The following ANAPC5 variants were observed in gnomAD, a reference collection of about 807,000 sequenced individuals.
ANAPC5 encodes anaphase-promoting complex subunit 5.
In ANAPC5, 60 loss-of-function variants were observed where a neutral mutation model predicts 91.3. The ratio of observed to expected loss-of-function variants is 0.66; its 90% confidence interval spans 0.53 to 0.81. The LOEUF is 0.81. Among genes scored for constraint, ANAPC5 ranks in the 40% least tolerant of loss-of-function variants. ANAPC5 has a pLI of 0.00. For missense variants in ANAPC5, 690 were observed against 931.5 expected (o/e 0.74, Z 3.37); for synonymous variants, 340 against 364.1 (o/e 0.93, Z 0.75).
At chr12:121,321,233 G>C (rs1902592272) in intron 11 of ANAPC5, 1 of 139,856 alleles carries the variant, frequency 7.2e-6, no homozygotes. Context: ...TAGGCAACAA[G>C]AACAAAATTC....
rs782351807 is a variant in ANAPC5, at chr12:121,345,859, T to G, written c.570A>C (p.Glu190Asp). 6.2e-7 allele frequency: 1 copy of G among 1,613,618 alleles called. No homozygotes were observed. The highest frequency in any genetic ancestry group is 2.2e-5 in the East Asian group (1 of 44,884). ...ATTACCTTACAGATACATCAAGTTC[T>G]TCTTTTTCCATTTTTCTTTCACCCT... ...RDEGERKMEK[E>D]ELDVSVREEE... Residue 190 changes from glutamate to aspartate, a missense_variant, in exon 4 of 17, where the codon GAA becomes GAC. Coordinates refer to ENST00000261819, the MANE Select transcript of ANAPC5 (RefSeq NM_016237.5).
chr12:121,320,243 TATC>T, intron 12 of ANAPC5, 139 bp downstream of exon 12: 2 of 696,056 alleles, frequency 2.9e-6, no homozygotes, highest in Admixed American at 2.8e-5. Flanking sequence ...ATATAAATAA[TATC>T]ATACTTGTAA....
chr12:121,309,685 T>C lies in ANAPC5; in HGVS notation c.2056+16A>G, dbSNP rs749550358. 6.8e-6 allele frequency: 11 copies of C among 1,610,248 alleles called. No homozygotes were observed. Among genetic ancestry groups the C allele is most frequent in the Admixed American group, 3.4e-5 (2 of 59,254 alleles). ...CTGGAATAGCATTGCCTAACAGTCT[T>C]CGTACAGCTTCCTACCTTCTGCTTT... On this transcript the variant is annotated intron_variant, in intron 16 of 16. Transcript: ENST00000261819.
chr12:121,311,551 G>A (rs1483673808), intron 15 of ANAPC5, among the ~76,000 whole-genome samples: 1 of 152,124 alleles, frequency 6.6e-6, no homozygotes, highest in East Asian at 1.9e-4. Context: ...AACAATAATA[G>A]GCCAGGCACA....
intron 11 of ANAPC5, among the ~76,000 whole-genome samples, chr12:121,323,671 T>C (rs1902703012): frequency 1.3e-5 from 2 of 152,180 alleles, no homozygotes; most frequent in African/African-American, 4.8e-5. Context: ...ATACTTTCAA[T>C]TTGTCTCAAT....
intron 1 of ANAPC5, among the ~76,000 whole-genome samples, chr12:121,349,390 A>T (rs1316069811): frequency 1.3e-5 from 2 of 151,978 alleles, no homozygotes; most frequent in East Asian, 3.9e-4. Context: ...GGGAGACTAC[A>T]TCTCTACCAA....
chr12:121,319,939 TG>T (rs1902528537), intron 12 of ANAPC5, 121 bp from the exon 13 acceptor site: 1 of 1,022,798 alleles, frequency 9.8e-7, no homozygotes, highest in Non-Finnish European at 1.4e-6. Flanking sequence ...TATTCTTTTT[TG>T]GGGGGATTTA....
intron 7 of ANAPC5, chr12:121,334,620 T>C (rs549975466): frequency 2.6e-5 from 4 of 152,344 alleles, no homozygotes; most frequent in African/African-American, 9.6e-5. Context: ...AATTGATCGA[T>C]TTTCCTATTT....
intron 11 of ANAPC5, among the ~76,000 whole-genome samples, chr12:121,324,302 T>C (rs1454040615): frequency 1.3e-5 from 2 of 152,090 alleles, no homozygotes; most frequent in African/African-American, 2.4e-5. Context: ...ACACGGTTGA[T>C]GTTCTAAAAC....
At chr12:121,326,047 C>T (rs572122326) in intron 11 of ANAPC5, among the ~76,000 whole-genome samples, 11 of 152,258 alleles carry the variant, frequency 7.2e-5, no homozygotes, top group South Asian at 6.2e-4. Context: ...CTAGCCCTTT[C>T]GACCTCAGAA....
At position 121,330,408 on chromosome 12, in the gene ANAPC5, C is replaced by T. The variant is rs140643683; in HGVS notation, c.1122+175G>A. Among the ~76,000 whole-genome samples, 793 of 152,342 alleles carry T rather than the reference C, an allele frequency of 5.2e-3. 4 individuals are homozygous for T. Among genetic ancestry groups the T allele is most frequent in the South Asian group, 0.033 (161 of 4,832 alleles). Reference sequence around the variant, plus strand: ...GATACAGGGAACAGAGAGAAACCTACCACACAGAATTTAGTGGTCTGATTA... The same window carrying T: ...GATACAGGGAACAGAGAGAAACCTATCACACAGAATTTAGTGGTCTGATTA... On this transcript the variant is annotated intron_variant, in intron 9 of 16. Coordinates refer to ENST00000261819, the MANE Select transcript of ANAPC5 (RefSeq NM_016237.5).
chr12:121,349,609 A>G (rs1903807370), intron 1 of ANAPC5, among the ~76,000 whole-genome samples: 1 of 151,876 alleles, frequency 6.6e-6, no homozygotes, highest in South Asian at 2.1e-4. Context: ...AAAAAATTAA[A>G]TAAAATAACT....
chr12:121,312,695 A>C (rs1007938629), intron 15 of ANAPC5, among the ~76,000 whole-genome samples: 5 of 131,666 alleles, frequency 3.8e-5, no homozygotes, highest in African/African-American at 1.6e-4. Flanking sequence ...CGACAGAGCG[A>C]GACTCTGTCA....
intron 5 of ANAPC5, among the ~76,000 whole-genome samples, chr12:121,338,834 T>G (rs1396453566): frequency 6.6e-6 from 1 of 151,958 alleles, no homozygotes; most frequent in Admixed American, 6.6e-5. Flanking sequence ...TTATATAAAT[T>G]TACAATATAC....
At position 121,319,766 on chromosome 12, in the gene ANAPC5, C is replaced by T. The variant is rs866434995; in HGVS notation, c.1568G>A (p.Gly523Asp). 1 of 1,611,950 alleles carries T rather than the reference C, an allele frequency of 6.2e-7. No homozygotes were observed. Among genetic ancestry groups the T allele is most frequent in the Admixed American group, 1.7e-5 (1 of 59,884 alleles). The part of the protein sequence containing the change: ...KIQFDRAMND[G>D]KYHLADSLVT... ...AAGTGAATCAGCCAAATGATATTTG[C>T]CATCATTCATTGCTCTGTCAAACTG... The change falls in exon 13 of 17, where the codon GGC becomes GAC. Residue 523 changes from glycine to aspartate, a missense_variant. Physicochemically the swap from Gly to Asp is moderately conservative, Grantham distance 94. Coordinates refer to ENST00000261819, the MANE Select transcript of ANAPC5 (RefSeq NM_016237.5).
At chr12:121,316,513 C>T (rs1902367158) in intron 15 of ANAPC5, among the ~76,000 whole-genome samples, 2 of 152,018 alleles carry the variant, frequency 1.3e-5, no homozygotes, top group Admixed American at 1.3e-4. Context: ...GTGGGCGGAT[C>T]ACGAGGTCAG....
chr12:121,308,489 G>T lies in ANAPC5; in HGVS notation c.2259C>A (p.Asn753Lys). The part of the protein sequence containing the change: ...ELPSHGVPLI[N>K]HL The stretch of plus-strand genomic sequence containing the variant: ...AGCAGGGATGTCCTCTCTAGAGATG[G>T]TTTATCAAGGGTACCCCATGAGAGG... The change falls in exon 17 of 17, where the codon AAC becomes AAA. Residue 753 changes from asparagine to lysine, a missense_variant. Physicochemically the swap from Asn to Lys is moderately conservative, Grantham distance 94 (BLOSUM62 0). Transcript: ENST00000261819. 6.2e-7 allele frequency: 1 copy of T among 1,613,904 alleles called. No homozygotes were observed. The highest frequency in any genetic ancestry group is 2.2e-5 in the East Asian group (1 of 44,866).
At chr12:121,347,703 T>G (rs1593607720) in intron 2 of ANAPC5, 99 bp downstream of exon 2, 1 of 916,696 alleles carries the variant, frequency 1.1e-6, no homozygotes. Flanking sequence ...CCTAGGGTAA[T>G]AAAGGTATCT....
rs1168324271 is a variant in ANAPC5 at position 121,342,710 on chromosome 12, T to A, written c.591-641A>T. On this transcript the variant is annotated intron_variant, in intron 4 of 16. Coordinates refer to ENST00000261819, the MANE Select transcript of ANAPC5 (RefSeq NM_016237.5). This position sits in a 1 kb window ranked among gnomAD's most constrained non-coding sequence, Gnocchi z 4.1. ...CCTGTCTCTACTAAAATACAAAAAA[T>A]TAGCCAAGTGTGGTAGTGCGTGCCT... Among the ~76,000 whole-genome samples the A allele has an allele frequency of 6.6e-6, 1 of 152,018 alleles. No homozygotes were observed. The highest frequency in any genetic ancestry group is 2.4e-5 in the African/African-American group (1 of 41,386).
Sources: gnomAD v4.1 joint callset for allele counts (sites outside exome capture counted in the v4.1 genomes callset) on GRCh38, gnomAD v4.1.1 for gene constraint, Gnocchi (gnomAD v3.1) non-coding constraint, MANE v1.5 for transcripts, NCBI Gene and HGNC (gene_info 2026-07-23, HGNC 2026-07-21) for gene names.